The following RASGRP3 variants were observed in gnomAD, a reference collection of about 807,000 sequenced individuals.
The protein encoded by RASGRP3 is RAS guanyl releasing protein 3, also known as ras guanyl-releasing protein 3.
A neutral mutation model predicts 82.7 loss-of-function variants in RASGRP3; 54 were observed. The ratio of observed to expected loss-of-function variants is 0.65; its 90% CI spans 0.52 to 0.82. The LOEUF (loss-of-function observed/expected upper bound fraction) is 0.82. Among genes scored for constraint, RASGRP3 ranks in the 40% least tolerant of loss-of-function variants. RASGRP3 has a pLI of 0.00. For synonymous variants in RASGRP3, 309 were observed against 300.5 expected (o/e 1.03, Z -0.29); for missense variants, 861 against 828.9 (o/e 1.04, Z -0.48).
chr2:33,496,346 G>C (rs766684840), intron 1 of RASGRP3, among the ~76,000 whole-genome samples: 30 of 152,162 alleles, frequency 2.0e-4, no homozygotes, highest in Non-Finnish European at 8.8e-5. Flanking sequence ...AGAGTTCTTG[G>C]GTTAATACAG....
At chr2:33,528,327 T>G (rs1160592179) in intron 10 of RASGRP3, among the ~76,000 whole-genome samples, 1 of 152,208 alleles carries the variant, frequency 6.6e-6, no homozygotes, top group Non-Finnish European at 1.5e-5. Context: ...CACCTACCAC[T>G]CATAGTTTTT....
chr2:33,532,856 T>G (rs1673236946), intron 10 of RASGRP3: 1 of 152,232 alleles, frequency 6.6e-6, no homozygotes, highest in African/African-American at 2.4e-5. Flanking sequence ...TGACACATAG[T>G]AGATTACTGA....
intron 1 of RASGRP3, among the ~76,000 whole-genome samples, chr2:33,500,160 C>T (rs1292906877): frequency 6.6e-6 from 1 of 152,048 alleles, no homozygotes; most frequent in African/African-American, 2.4e-5. Flanking sequence ...AGTTCCCTTT[C>T]ACAGCAGTAT....
At position 33,524,551 on chromosome 2, in the gene RASGRP3, A is replaced by G. The variant is rs1486549078; in HGVS notation, c.807+3A>G. ...ATCTTTCTTCAGAAGTTACAAAGGT[A>G]TAGTAGACTTGATCCTAATCAAAAG... On this transcript the variant is annotated splice_donor_region_variant and intron_variant, in intron 9 of 17. Transcript: ENST00000403687. 6.4e-7 allele frequency: 1 copy of G among 1,563,636 alleles called. No homozygotes were observed. Among genetic ancestry groups the G allele is most frequent in the Non-Finnish European group, 8.7e-7 (1 of 1,146,712 alleles).
intron 8 of RASGRP3, 43 bp from the exon 9 acceptor site, chr2:33,524,389 A>G (rs994989735): frequency 7.8e-7 from 1 of 1,284,068 alleles, no homozygotes; most frequent in Non-Finnish European, 1.1e-6. Flanking sequence ...AGTTTAGAAT[A>G]ATTTGAAAAT....
At chr2:33,461,733 T>C (rs1210241937) in intron 2 of RASGRP3, among the ~76,000 whole-genome samples, 1 of 152,240 alleles carries the variant, frequency 6.6e-6, no homozygotes, top group Non-Finnish European at 1.5e-5. Flanking sequence ...GAATATTTTA[T>C]CCAAAAGTTT....
chr2:33,441,834 AC>A (rs1486323224), intron 1 of RASGRP3, among the ~76,000 whole-genome samples: 3 of 152,254 alleles, frequency 2.0e-5, no homozygotes, highest in African/African-American at 7.2e-5. Flanking sequence ...ATTCTTAAAA[AC>A]ATCATAAATT....
At chr2:33,464,110 A>AATAATAATAATT (rs1398514920) in intron 2 of RASGRP3, among the ~76,000 whole-genome samples, 14 of 144,264 alleles carry the variant, frequency 9.7e-5, no homozygotes, top group African/African-American at 3.4e-4. Context: ...TAATAATAAT[A>AATAATAATAATT]ATTATTATTA....
chr2:33,477,480 G>T (rs569798962), intron 1 of RASGRP3, among the ~76,000 whole-genome samples: 4 of 152,312 alleles, frequency 2.6e-5, no homozygotes, highest in African/African-American at 9.6e-5. Context: ...TACTCAGGCT[G>T]TTTTTTCCTT....
chr2:33,474,899 G>T (rs1469018551), upstream of RASGRP3, among the ~76,000 whole-genome samples: 2 of 152,186 alleles, frequency 1.3e-5, no homozygotes, highest in African/African-American at 4.8e-5. Context: ...GTTGGGCATT[G>T]AAGAGTTTCT....
chr2:33,563,496 A>AAATT lies in RASGRP3; in HGVS notation c.*761_*764dup, dbSNP rs1332386289. 6.6e-6 allele frequency: 1 copy of AAATT among 152,218 alleles called. No individual in the cohort carries two copies. Among genetic ancestry groups the AAATT allele is most frequent in the Non-Finnish European group, 1.5e-5 (1 of 68,034 alleles). The allele number at this position is 152,218 out of a possible 1,614,324, so 9.4% of individuals were successfully genotyped here. A position where few individuals can be genotyped will look rare whatever the true frequency, so the allele number is the denominator to read the frequency against. On this transcript the variant is annotated 3_prime_UTR_variant, in exon 18 of 18. Transcript: ENST00000403687. ...TACTTACTTAAATAGCCATGGAAGA[A>AAATT]AATTATGCTTGTCCCTTCTGACTGG...
At position 33,520,824 on chromosome 2, in the gene RASGRP3, C is replaced by T. The variant is rs140702885; in HGVS notation, c.368+140C>T. 438 of 1,165,830 alleles carry T rather than the reference C, an allele frequency of 3.8e-4. 1 individual carries two copies. In the African/African-American group the frequency reaches 5.6e-3, roughly 15 times the overall value. 72.2% of individuals were successfully genotyped at this position (1,165,830 alleles called of 1,614,324 possible). A position where few individuals can be genotyped will look rare whatever the true frequency, so the allele number is the denominator to read the frequency against. ...GTGAGGAAAGCCTTGCTGCAGTGAG[C>T]GCAAGCCGTATGGGACACAGCTCAT... is the stretch of plus-strand genomic sequence containing the variant. On this transcript the variant is annotated intron_variant, in intron 6 of 17. Transcript: ENST00000403687.
intron 4 of RASGRP3, 112 bp downstream of exon 4, chr2:33,516,756 C>A: frequency 1.4e-6 from 1 of 737,768 alleles, no homozygotes; most frequent in Non-Finnish European, 2.2e-6. Flanking sequence ...CTTTGGTTAT[C>A]CAGCTGTTTT....
chr2:33,483,681 G>T (rs1188386709), intron 1 of RASGRP3, among the ~76,000 whole-genome samples: 1 of 152,008 alleles, frequency 6.6e-6, no homozygotes, highest in Non-Finnish European at 1.5e-5. Context: ...GAGAGACGGG[G>T]TTTTGCCATG....
chr2:33,558,837 G>T lies in RASGRP3; in HGVS notation c.1871G>T (p.Gly624Val), dbSNP rs886289478. 1 of 1,613,908 alleles carries T rather than the reference G, an allele frequency of 6.2e-7. No individual in the cohort carries two copies. Among genetic ancestry groups the T allele is most frequent in the African/African-American group, 1.3e-5 (1 of 74,934 alleles). The part of the protein sequence containing the change: ...TQTEPVWSEA[G>V]WGDSGSHTFP... ...ACTGAACCTGTCTGGTCAGAGGCTG[G>T]CTGGGGGGACTCGGGGTCCCACACC... Residue 624 changes from glycine to valine, a missense_variant, in exon 17 of 18, where the codon GGC becomes GTC. Gly to Val is a moderately radical substitution (Grantham distance 109). Transcript: ENST00000403687.
intron 15 of RASGRP3, 32 bp from the exon 16 acceptor site, chr2:33,558,179 T>A (rs1676220522): frequency 6.2e-7 from 1 of 1,601,320 alleles, no homozygotes; most frequent in African/African-American, 1.3e-5. Flanking sequence ...TCAGACACAC[T>A]AATCATCTGC....
At chr2:33,475,946 A>C (rs76511282), upstream of RASGRP3, among the ~76,000 whole-genome samples, 1,510 of 152,338 alleles carry the variant, frequency 9.9e-3, 28 homozygotes, top group African/African-American at 0.034. Context: ...TCAACAGATA[A>C]CAATGCGGAA....
In RASGRP3 at chr2:33,460,794, C is replaced by T. The variant is rs138360299; in HGVS notation, c.-261+12851C>T. On this transcript the variant is annotated intron_variant, in intron 2 of 18. Coordinates refer to the RASGRP3 transcript ENST00000402538. ...CCTCCCCAAGTGCTAGGATTATGGA[C>T]GTGAGCCACCGCACCCAGCCAGATT... Among the ~76,000 whole-genome samples, 1,192 of 152,172 alleles carry T rather than the reference C, an allele frequency of 7.8e-3. 8 individuals are homozygous for T. The highest frequency in any genetic ancestry group is 0.013 in the Non-Finnish European group (854 of 67,986).
At chr2:33,550,266 T>TTATGGTAACTAATC (rs1675232564) in intron 14 of RASGRP3, among the ~76,000 whole-genome samples, 1 of 152,184 alleles carries the variant, frequency 6.6e-6, no homozygotes, top group Non-Finnish European at 1.5e-5. Flanking sequence ...TCCATAGACA[T>TTATGGTAACTAATC]TATGGTAACT....
Sources: gnomAD v4.1 joint callset for allele counts (sites outside exome capture counted in the v4.1 genomes callset) on GRCh38, gnomAD v4.1.1 for gene constraint, MANE v1.5 for transcripts, NCBI Gene and HGNC (gene_info 2026-07-23, HGNC 2026-07-21) for gene names.